The following HS6ST3 variants were observed in gnomAD, a reference collection of about 807,000 sequenced individuals.
HS6ST3 encodes heparan-sulfate 6-O-sulfotransferase 3.
A neutral mutation model predicts 36.7 loss-of-function variants in HS6ST3; 12 were observed. The ratio of observed to expected loss-of-function variants is 0.33; its 90% CI spans 0.21 to 0.53. The LOEUF is 0.53. Ranked by LOEUF, HS6ST3 falls within the 20% of genes least tolerant of loss-of-function variation. HS6ST3 has a pLI of 0.95. For missense variants in HS6ST3, 584 were observed against 640.9 expected (o/e 0.91, Z 0.96); for synonymous variants, 240 against 257.5 (o/e 0.93, Z 0.65).
rs1450099998 is a variant in HS6ST3 at position 96,469,345 on chromosome 13, A to T, written c.708-363145A>T. ...ATGCTGGGACATTAAAAATAAAGCC[A>T]TGGCTGCACATGCTATTTTTGGAAG... On this transcript the variant is annotated intron_variant, in intron 1 of 1. Transcript: ENST00000376705. 2.0e-5 allele frequency among the ~76,000 whole-genome samples: 3 copies of T among 151,724 alleles called. No individual in the cohort carries two copies. In the East Asian group the frequency reaches 5.8e-4, roughly 29 times the overall value.
At chr13:96,256,619 T>C (rs1454589338) in intron 1 of HS6ST3, among the ~76,000 whole-genome samples, 1 of 152,218 alleles carries the variant, frequency 6.6e-6, no homozygotes, top group Non-Finnish European at 1.5e-5. Context: ...AGTTGTTGCA[T>C]AGTTAATAAG....
chr13:96,377,205 A>C (rs2053578138), intron 1 of HS6ST3, among the ~76,000 whole-genome samples: 1 of 151,470 alleles, frequency 6.6e-6, no homozygotes, highest in Non-Finnish European at 1.5e-5. Flanking sequence ...TGTCTACCAA[A>C]AAATACAAAA....
At chr13:96,175,468 G>A (rs767876695) in intron 1 of HS6ST3, among the ~76,000 whole-genome samples, 1 of 151,474 alleles carries the variant, frequency 6.6e-6, no homozygotes, top group Non-Finnish European at 1.5e-5. Flanking sequence ...GGTTCCTTTC[G>A]GTTCAATATC....
At chr13:96,676,337 A>T (rs777824139) in intron 1 of HS6ST3, among the ~76,000 whole-genome samples, 3 of 152,046 alleles carry the variant, frequency 2.0e-5, no homozygotes, top group Non-Finnish European at 4.4e-5. Context: ...TAAGGACTTC[A>T]TTGTATGAAT....
intron 1 of HS6ST3, among the ~76,000 whole-genome samples, chr13:96,097,046 A>C (rs2053794657): frequency 6.6e-6 from 1 of 152,182 alleles, no homozygotes; most frequent in Non-Finnish European, 1.5e-5. Context: ...TTCTGCTTCA[A>C]ACCAACAATA....
chr13:96,185,877 C>T (rs1276250657), intron 1 of HS6ST3, among the ~76,000 whole-genome samples: 4 of 152,096 alleles, frequency 2.6e-5, no homozygotes, highest in Non-Finnish European at 5.9e-5. Context: ...AGGATATTTG[C>T]AATGGGAAAC....
At chr13:96,747,454 G>T (rs1203978817) in intron 1 of HS6ST3, among the ~76,000 whole-genome samples, 1 of 152,016 alleles carries the variant, frequency 6.6e-6, no homozygotes, top group African/African-American at 2.4e-5. Flanking sequence ...TTTCTTTTAT[G>T]TGCCATATGC....
chr13:96,594,621 C>T lies in HS6ST3; in HGVS notation c.708-237869C>T, dbSNP rs552876874. Among the ~76,000 whole-genome samples, 27 of 152,216 alleles carry T rather than the reference C, an allele frequency of 1.8e-4. 2 individuals carry two copies. In the South Asian group the frequency reaches 5.6e-3, roughly 32 times the overall value. ...CATAAGATATGCTTTTACACCACTC[C>T]CTTTTCCCACATTTTGAATTTTTAA... On this transcript the variant is annotated intron_variant, in intron 1 of 1. Coordinates refer to ENST00000376705, the MANE Select transcript of HS6ST3 (RefSeq NM_153456.4).
At chr13:96,494,090 C>A (rs2055960380) in intron 1 of HS6ST3, among the ~76,000 whole-genome samples, 1 of 152,060 alleles carries the variant, frequency 6.6e-6, no homozygotes, top group Non-Finnish European at 1.5e-5. Flanking sequence ...ATGCGTAGAA[C>A]CACGATGTAC....
chr13:96,475,141 C>T (rs1431901256), intron 1 of HS6ST3, among the ~76,000 whole-genome samples: 1 of 151,938 alleles, frequency 6.6e-6, no homozygotes, highest in Non-Finnish European at 1.5e-5. Flanking sequence ...TGCTCTGATT[C>T]CCCAAACAAA....
intron 1 of HS6ST3, among the ~76,000 whole-genome samples, chr13:96,698,059 AT>A (rs1197759091): frequency 6.6e-6 from 1 of 152,018 alleles, no homozygotes; most frequent in Non-Finnish European, 1.5e-5. Context: ...ATTTTTAATT[AT>A]AGTTTTTAAG....
At chr13:96,389,929 T>C (rs565482682) in intron 1 of HS6ST3, among the ~76,000 whole-genome samples, 1 of 152,264 alleles carries the variant, frequency 6.6e-6, no homozygotes, top group Non-Finnish European at 1.5e-5. Context: ...GAGGCCCAAC[T>C]CAGCAAGGAA....
intron 1 of HS6ST3, among the ~76,000 whole-genome samples, chr13:96,180,181 C>T (rs1001476014): frequency 1.2e-4 from 19 of 152,198 alleles, no homozygotes; most frequent in Admixed American, 2.6e-4. Context: ...CCCAACTATG[C>T]GGACATACAC....
chr13:96,596,120 C>G (rs994348318), intron 1 of HS6ST3, among the ~76,000 whole-genome samples: 2 of 152,118 alleles, frequency 1.3e-5, no homozygotes, highest in African/African-American at 4.8e-5. Context: ...TTGTGAATCT[C>G]CAGTGTTTAT....
At chr13:96,644,743 T>C (rs116800209) in intron 1 of HS6ST3, among the ~76,000 whole-genome samples, 281 of 152,096 alleles carry the variant, frequency 1.8e-3, no homozygotes, top group African/African-American at 6.4e-3. Flanking sequence ...AGAATTGTCA[T>C]AGGAGCATGT....
chr13:96,691,623 TCTTCC>T (rs71658960), intron 1 of HS6ST3, among the ~76,000 whole-genome samples: 147,981 of 150,060 alleles, frequency 0.99, 72,993 homozygotes, highest in Middle Eastern at 1. Context: ...CCCTTACTTT[TCTTCC>T]CTTCCCTTCC....
chr13:96,260,904 T>G (rs1441204520), intron 1 of HS6ST3, among the ~76,000 whole-genome samples: 2 of 152,168 alleles, frequency 1.3e-5, no homozygotes, highest in African/African-American at 2.4e-5. Flanking sequence ...CCTCTCAAAG[T>G]GCTGGGATTA....
intron 1 of HS6ST3, among the ~76,000 whole-genome samples, chr13:96,586,735 C>T (rs1287306808): frequency 1.3e-5 from 2 of 152,146 alleles, no homozygotes; most frequent in Non-Finnish European, 2.9e-5. Flanking sequence ...TTTGCAAATA[C>T]TTTCTCCCCT....
intron 1 of HS6ST3, among the ~76,000 whole-genome samples, chr13:96,123,585 T>A (rs1280254867): frequency 6.6e-6 from 1 of 152,206 alleles, no homozygotes; most frequent in Non-Finnish European, 1.5e-5. Flanking sequence ...TCTGTCACTC[T>A]TAGAGAGCAA....
Sources: allele counts gnomAD v4.1 joint callset (sites outside exome capture counted in the v4.1 genomes callset), GRCh38; gene constraint gnomAD v4.1.1; transcripts MANE v1.5; gene names NCBI Gene and HGNC (gene_info 2026-07-23, HGNC 2026-07-21).